Variants in MAGI1 observed in about 807,000 individuals in gnomAD.
The protein encoded by MAGI1 is membrane associated guanylate kinase, WW and PDZ domain containing 1.
A neutral mutation model predicts 139.9 loss-of-function variants in MAGI1; 58 were observed. The ratio of observed to expected loss-of-function variants is 0.41; its 90% CI spans 0.34 to 0.52. The LOEUF (loss-of-function observed/expected upper bound fraction) is 0.52, where lower values mean the gene tolerates loss of function less well. MAGI1 is among the 20% of genes least tolerant of loss of function. The pLI, the probability that MAGI1 is intolerant of heterozygous loss-of-function variation, is 0.12. For missense variants in MAGI1, 1,874 were observed against 1,901.6 expected, an observed-to-expected ratio of 0.99 and a Z score of 0.27; for synonymous variants, 812 against 737.9, an observed-to-expected ratio of 1.10 and a Z score of -1.63.
intron 1 of MAGI1, among the ~76,000 whole-genome samples, chr3:65,959,056 T>G (rs557444814): frequency 1.3e-5 from 2 of 152,008 alleles, no homozygotes; most frequent in South Asian, 4.2e-4. Context: ...GTGGTGCTTC[T>G]TACAACTGCC....
intron 1 of MAGI1, among the ~76,000 whole-genome samples, chr3:65,729,454 A>G (rs2033969192): frequency 6.6e-6 from 1 of 152,344 alleles, no homozygotes; most frequent in Non-Finnish European, 1.5e-5. Flanking sequence ...TAGACAATAT[A>G]AAACATAAAA....
chr3:66,024,601 G>A (rs981080288), intron 1 of MAGI1, among the ~76,000 whole-genome samples: 10 of 152,036 alleles, frequency 6.6e-5, no homozygotes, highest in Non-Finnish European at 7.4e-5. Context: ...GAGGTCGGGA[G>A]TTCAAGACCA....
intron 1 of MAGI1, chr3:66,003,941 G>A (rs551782111): frequency 9.2e-5 from 14 of 152,132 alleles, no homozygotes; most frequent in Non-Finnish European, 1.9e-4. Flanking sequence ...CAGACAAGCT[G>A]TTTATTTGTT....
intron 1 of MAGI1, among the ~76,000 whole-genome samples, chr3:65,785,710 A>G (rs2039322453): frequency 6.6e-6 from 1 of 152,236 alleles, no homozygotes; most frequent in Non-Finnish European, 1.5e-5. Context: ...TGAATGAGAT[A>G]AATGAATGAA....
At chr3:65,835,489 G>T (rs1050844036) in intron 1 of MAGI1, among the ~76,000 whole-genome samples, 3 of 152,174 alleles carry the variant, frequency 2.0e-5, no homozygotes, top group Admixed American at 2.0e-4. Flanking sequence ...CAAAGCCAAT[G>T]AATTTCCTAA....
chr3:65,889,567 G>A (rs2060659464), intron 1 of MAGI1, among the ~76,000 whole-genome samples: 1 of 152,168 alleles, frequency 6.6e-6, no homozygotes, highest in Non-Finnish European at 1.5e-5. Flanking sequence ...TGAGGCAGGG[G>A]AGAAATACTC....
chr3:65,707,011 C>T (rs573423014), intron 1 of MAGI1, among the ~76,000 whole-genome samples: 2 of 152,110 alleles, frequency 1.3e-5, no homozygotes, highest in Non-Finnish European at 2.9e-5. Context: ...AGTGAACCAC[C>T]GTCTCGGCAT....
chr3:65,851,156 T>C (rs1327927404), intron 1 of MAGI1, among the ~76,000 whole-genome samples: 1 of 152,182 alleles, frequency 6.6e-6, no homozygotes, highest in African/African-American at 2.4e-5. Flanking sequence ...CTTTGTTCAC[T>C]GCTGTATGCC....
intron 1 of MAGI1, among the ~76,000 whole-genome samples, chr3:65,930,498 G>C (rs2062759185): frequency 6.6e-6 from 1 of 152,060 alleles, no homozygotes; most frequent in African/African-American, 2.4e-5. Flanking sequence ...TTGGGAGGCA[G>C]AGGCAGGCAG....
At chr3:65,917,725 T>C (rs2061972398) in intron 1 of MAGI1, among the ~76,000 whole-genome samples, 1 of 152,160 alleles carries the variant, frequency 6.6e-6, no homozygotes. Flanking sequence ...TTATCTGACA[T>C]TCTGGAAAAG....
rs138627262 is a variant in MAGI1, at chr3:65,871,477, T to C, written c.313+166519A>G. On this transcript the variant is annotated intron_variant, in intron 1 of 22. Transcript: ENST00000402939. ...ACACTGAGAAAAGCAAATTTGGGAA[T>C]TGCTGAAGGGGAAAGAGAGGAAAAT... Among the ~76,000 whole-genome samples the C allele has an allele frequency of 3.0e-4, 46 of 152,210 alleles. No homozygotes were observed. The East Asian group carries it at 8.5e-3, about 28-fold the overall frequency.
intron 1 of MAGI1, among the ~76,000 whole-genome samples, chr3:65,796,748 A>G (rs959708479): frequency 6.6e-6 from 1 of 152,238 alleles, no homozygotes; most frequent in Non-Finnish European, 1.5e-5. Flanking sequence ...GATAGTAAAT[A>G]CTGTTGGCAT....
intron 1 of MAGI1, among the ~76,000 whole-genome samples, chr3:66,029,441 G>T (rs2068478452): frequency 6.6e-6 from 1 of 152,294 alleles, no homozygotes; most frequent in South Asian, 2.1e-4. Flanking sequence ...CCACAGTAAT[G>T]GTGGGGTTGA....
intron 12 of MAGI1, among the ~76,000 whole-genome samples, chr3:65,427,096 T>G (rs992796929): frequency 6.6e-6 from 1 of 152,136 alleles, no homozygotes; most frequent in Non-Finnish European, 1.5e-5. Flanking sequence ...GGTGGATCCC[T>G]TGAGCGCGGG....
At chr3:66,029,605 G>A (rs541302511) in intron 1 of MAGI1, among the ~76,000 whole-genome samples, 1 of 152,222 alleles carries the variant, frequency 6.6e-6, no homozygotes, top group South Asian at 2.1e-4. Flanking sequence ...CTCAGCATGG[G>A]GCTGCCTTAG....
At chr3:65,869,156 A>C (rs2372155) in intron 1 of MAGI1, among the ~76,000 whole-genome samples, 6 of 149,164 alleles carry the variant, frequency 4.0e-5, no homozygotes, top group Non-Finnish European at 1.5e-5. Context: ...TCGGAGAGGC[A>C]GAGGCAGGAG....
At chr3:65,433,628 G>T (rs1559550528) in intron 10 of MAGI1, among the ~76,000 whole-genome samples, 4 of 152,084 alleles carry the variant, frequency 2.6e-5, no homozygotes. Flanking sequence ...GTCACCAGCG[G>T]TAAGACTTGG....
intron 2 of MAGI1, among the ~76,000 whole-genome samples, chr3:65,516,964 G>A (rs796566675): frequency 2.2e-4 from 33 of 151,384 alleles, no homozygotes; most frequent in African/African-American, 7.0e-4. Context: ...TCCTGACCTC[G>A]TGATCCGCCC....
At chr3:65,903,922 C>T (rs2061336186) in intron 1 of MAGI1, among the ~76,000 whole-genome samples, 1 of 151,840 alleles carries the variant, frequency 6.6e-6, no homozygotes, top group Admixed American at 6.6e-5. Context: ...GCAGGAGAAT[C>T]GCTTGAACCC....
Sources: allele counts gnomAD v4.1 joint callset (sites outside exome capture counted in the v4.1 genomes callset), GRCh38; gene constraint gnomAD v4.1.1; transcripts MANE v1.5; gene names NCBI Gene and HGNC (gene_info 2026-07-23, HGNC 2026-07-21).